The following BMERB1 variants were observed in gnomAD, a reference collection of about 807,000 sequenced individuals.
The protein encoded by BMERB1 is bMERB domain-containing protein 1.
In BMERB1, 12 loss-of-function variants were observed where a neutral mutation model predicts 23.6. That is an observed-to-expected ratio of 0.51 (90% CI 0.33 to 0.82). BMERB1 has a LOEUF of 0.82. Among genes scored for constraint, BMERB1 ranks in the 40% least tolerant of loss-of-function variants. The pLI is 0.03. For synonymous variants in BMERB1, 122 were observed against 96.6 expected (o/e 1.26, Z -1.54); for missense variants, 247 against 255.4 (o/e 0.97, Z 0.22).
rs1255864560 is a variant in BMERB1 at position 15,587,517 on chromosome 16, G to C, written c.*688G>C. The C allele has an allele frequency of 2.2e-6, 1 of 449,914 alleles. No homozygotes were observed. Among genetic ancestry groups the C allele is most frequent in the Non-Finnish European group, 4.5e-6 (1 of 223,054 alleles). The allele number at this position is 449,914 out of a possible 1,614,324, so 27.9% of individuals were successfully genotyped here. A position where few individuals can be genotyped will look rare whatever the true frequency, so the allele number is the denominator to read the frequency against. ...TCAGTCTGCCTCAGGTGTGTGCCTG[G>C]AGGGGGCCTGGACTGGCATGGATCC... On this transcript the variant is annotated 3_prime_UTR_variant, in exon 6 of 6. Transcript: ENST00000300006.
chr16:15,436,214 A>T (rs947992136), intron 1 of BMERB1, among the ~76,000 whole-genome samples: 6 of 151,410 alleles, frequency 4.0e-5, no homozygotes, highest in Admixed American at 1.3e-4. Flanking sequence ...CTCCTTTTTT[A>T]AAAAAGCCCA....
At chr16:15,473,351 T>C (rs114776863) in intron 1 of BMERB1, among the ~76,000 whole-genome samples, 2,197 of 150,992 alleles carry the variant, frequency 0.015, 62 homozygotes, top group African/African-American at 0.052. Flanking sequence ...AGTGCAGTGG[T>C]GCCACCTCAG....
chr16:15,552,759 T>C (rs1053171156), intron 2 of BMERB1, among the ~76,000 whole-genome samples: 7 of 152,236 alleles, frequency 4.6e-5, no homozygotes, highest in Admixed American at 1.3e-4. Context: ...TCAGGAGGGC[T>C]GACACGTAGT....
At chr16:15,494,137 A>G (rs1183373974) in intron 1 of BMERB1, among the ~76,000 whole-genome samples, 1 of 152,142 alleles carries the variant, frequency 6.6e-6, no homozygotes, top group African/African-American at 2.4e-5. Flanking sequence ...TTTCAGAACA[A>G]ATGGACCTTG....
At chr16:15,461,965 G>A (rs974367369) in intron 1 of BMERB1, among the ~76,000 whole-genome samples, 9 of 151,764 alleles carry the variant, frequency 5.9e-5, no homozygotes, top group Non-Finnish European at 8.8e-5. Context: ...AACAGCAGCA[G>A]CAACAACAAA....
At chr16:15,525,657 A>G (rs2051898435) in intron 2 of BMERB1, among the ~76,000 whole-genome samples, 1 of 151,706 alleles carries the variant, frequency 6.6e-6, no homozygotes, top group Non-Finnish European at 1.5e-5. Flanking sequence ...GTGAGCCAAG[A>G]TTATGCCAGT....
At chr16:15,516,088 A>G (rs1463648543) in intron 2 of BMERB1, among the ~76,000 whole-genome samples, 1 of 151,880 alleles carries the variant, frequency 6.6e-6, no homozygotes, top group Non-Finnish European at 1.5e-5. Flanking sequence ...TCGCATCACC[A>G]CACTCCATCT....
intron 1 of BMERB1, among the ~76,000 whole-genome samples, chr16:15,453,027 C>T (rs1190565267): frequency 1.3e-5 from 2 of 152,122 alleles, no homozygotes; most frequent in Non-Finnish European, 2.9e-5. Flanking sequence ...ACAAAAATAG[C>T]TGGGCGTGGT....
chr16:15,577,101 G>A (rs73501208), intron 3 of BMERB1: 13,096 of 152,140 alleles, frequency 0.086, 1,734 homozygotes, highest in African/African-American at 0.28. Flanking sequence ...CCACTTGGGC[G>A]GCGCCATGTT....
intron 2 of BMERB1, among the ~76,000 whole-genome samples, chr16:15,558,660 A>G (rs1379184093): frequency 1.3e-5 from 2 of 152,080 alleles, no homozygotes; most frequent in Non-Finnish European, 1.5e-5. Context: ...TATGTGACAT[A>G]TGACATATAT....
chr16:15,508,951 G>A (rs1490362626), intron 1 of BMERB1, among the ~76,000 whole-genome samples: 9 of 151,746 alleles, frequency 5.9e-5, no homozygotes, highest in Admixed American at 5.9e-4. Flanking sequence ...TTTAGGCTTC[G>A]TTCCTTTCTC....
intron 5 of BMERB1, among the ~76,000 whole-genome samples, chr16:15,585,512 C>A (rs1040235895): frequency 2.6e-5 from 4 of 152,064 alleles, no homozygotes; most frequent in African/African-American, 9.7e-5. Flanking sequence ...AAAAAGCAAC[C>A]CCCTTGAAGA....
intron 2 of BMERB1, among the ~76,000 whole-genome samples, chr16:15,523,279 C>T (rs964348604): frequency 1.3e-5 from 2 of 152,172 alleles, no homozygotes; most frequent in Non-Finnish European, 2.9e-5. Context: ...CAGCTCTTGA[C>T]GTCCAGCAGC....
chr16:15,475,621 G>C (rs2051268828), intron 1 of BMERB1, among the ~76,000 whole-genome samples: 1 of 152,174 alleles, frequency 6.6e-6, no homozygotes. Context: ...AACCAGGGAA[G>C]CTCACTCAAG....
At chr16:15,521,339 G>T (rs754591002) in intron 2 of BMERB1, among the ~76,000 whole-genome samples, 31 of 152,190 alleles carry the variant, frequency 2.0e-4, no homozygotes, top group Admixed American at 3.3e-4. Context: ...AGTCTGCTGG[G>T]AATGTGCTGT....
At chr16:15,579,530 C>G (rs1274875855) in intron 3 of BMERB1, among the ~76,000 whole-genome samples, 4 of 152,172 alleles carry the variant, frequency 2.6e-5, no homozygotes, top group African/African-American at 9.7e-5. Context: ...AAAAAATGAT[C>G]AACGTCAGTC....
intron 1 of BMERB1, among the ~76,000 whole-genome samples, chr16:15,503,027 A>G (rs2051546809): frequency 6.6e-6 from 1 of 152,184 alleles, no homozygotes; most frequent in Non-Finnish European, 1.5e-5. Context: ...TGTTGTATAC[A>G]GTTGGTCCTC....
intron 2 of BMERB1, among the ~76,000 whole-genome samples, chr16:15,525,688 G>C (rs956548554): frequency 1.7e-4 from 25 of 148,334 alleles, no homozygotes; most frequent in African/African-American, 5.6e-4. Flanking sequence ...CTGGGCAACA[G>C]AGTGAGATCC....
At chr16:15,562,234 CA>C (rs2030441178) in intron 2 of BMERB1, among the ~76,000 whole-genome samples, 1 of 139,274 alleles carries the variant, frequency 7.2e-6, no homozygotes, top group Admixed American at 7.7e-5. Flanking sequence ...ACCCGGGAGG[CA>C]AAGGTTGCAA....
Sources: gnomAD v4.1 joint callset for allele counts (sites outside exome capture counted in the v4.1 genomes callset) on GRCh38, gnomAD v4.1.1 for gene constraint, MANE v1.5 for transcripts, NCBI Gene and HGNC (gene_info 2026-07-23, HGNC 2026-07-21) for gene names.